Variants in H2BC5 observed in about 807,000 individuals in gnomAD.
H2BC5 encodes the protein histone H2B type 1-D.
H2BC5 carries 9 observed loss-of-function variants against 5.7 expected under a neutral mutation model. The observed-to-expected ratio is 1.57, with a 90% CI of 0.95 to 2.74. The LOEUF (loss-of-function observed/expected upper bound fraction) is 2.74, where lower values mean the gene tolerates loss of function less well. H2BC5 is among the 30% of genes most tolerant of loss of function. The probability of loss-of-function intolerance (pLI) is 0.00; values close to 1 mark genes in which losing one functional copy is unlikely to be tolerated. For missense variants in H2BC5, 175 were observed against 168.8 expected (o/e 1.04, Z -0.20); for synonymous variants, 133 against 70.9 (o/e 1.88, Z -4.40).
chr6:26,170,145 G>C (rs535419276), intron 1 of H2BC5, among the ~76,000 whole-genome samples: 130 of 152,292 alleles, frequency 8.5e-4, no homozygotes, highest in African/African-American at 3.0e-3. Flanking sequence ...CACCACATCT[G>C]AGAGGTTTTC....
At chr6:26,168,763 T>C (rs1233932544) in intron 1 of H2BC5, among the ~76,000 whole-genome samples, 2 of 152,170 alleles carry the variant, frequency 1.3e-5, no homozygotes, top group African/African-American at 4.8e-5. Flanking sequence ...TTCCCAGATA[T>C]TGTAAAGGAC....
rs1001204765 is a variant in H2BC5, at chr6:26,164,896, T to A, written c.*10-6079T>A. ...CCTACCATGCCCTTCTGCCATCTTC[T>A]GGGAGAAGGAAACCAAAGGATCTAA... On this transcript the variant is annotated intron_variant, in intron 1 of 1. Coordinates refer to the H2BC5 transcript ENST00000289316. 7.9e-5 allele frequency among the ~76,000 whole-genome samples: 12 copies of A among 152,024 alleles called. No homozygotes were observed. In the East Asian group the frequency reaches 1.9e-3, roughly 25 times the overall value.
At chr6:26,168,924 G>A (rs1764479042) in intron 1 of H2BC5, among the ~76,000 whole-genome samples, 1 of 152,190 alleles carries the variant, frequency 6.6e-6, no homozygotes, top group African/African-American at 2.4e-5. Flanking sequence ...TTGTTAGAAT[G>A]TCCGAGAAAC....
chr6:26,167,724 A>T (rs1302284264), intron 1 of H2BC5, among the ~76,000 whole-genome samples: 1 of 150,882 alleles, frequency 6.6e-6, no homozygotes, highest in Non-Finnish European at 1.5e-5. Flanking sequence ...CCCAGCCCCC[A>T]CCCTCTCCCA....
At chr6:26,158,750 A>G (rs1222729592), downstream of H2BC5, 1 of 843,216 alleles carries the variant, frequency 1.2e-6, no homozygotes, top group Non-Finnish European at 1.8e-6. Context: ...GGTACTAGAA[A>G]TTGAGTGCTA....
chr6:26,158,786 A>C, downstream of H2BC5: 9 of 649,480 alleles, frequency 1.4e-5, no homozygotes, highest in Admixed American at 3.2e-5. Flanking sequence ...TCGTTAGCTC[A>C]TTTAGTATCA....
chr6:26,162,540 G>GC (rs1764368500), downstream of H2BC5, among the ~76,000 whole-genome samples: 1 of 151,992 alleles, frequency 6.6e-6, no homozygotes, highest in Non-Finnish European at 1.5e-5. Flanking sequence ...TTTGGTTTTT[G>GC]TTTGTTGTTG....
chr6:26,168,460 T>TA (rs1018788679), intron 1 of H2BC5, among the ~76,000 whole-genome samples: 47 of 143,424 alleles, frequency 3.3e-4, no homozygotes, highest in South Asian at 6.5e-4. Flanking sequence ...CTCCATTTTT[T>TA]AAAAAAAAAA....
chr6:26,164,494 G>C (rs1291467167), intron 1 of H2BC5: 1 of 156,844 alleles, frequency 6.4e-6, no homozygotes, highest in Non-Finnish European at 1.5e-5. Context: ...CACCATTTGG[G>C]CTATCAGAGT....
At chr6:26,169,813 G>T (rs1329263328) in intron 1 of H2BC5, among the ~76,000 whole-genome samples, 2 of 151,832 alleles carry the variant, frequency 1.3e-5, no homozygotes, top group Non-Finnish European at 2.9e-5. Flanking sequence ...ACAAAAATTA[G>T]CCAGGCATGG....
At chr6:26,164,379 G>A (rs1404246072) in intron 1 of H2BC5, 3 of 240,100 alleles carry the variant, frequency 1.2e-5, no homozygotes, top group African/African-American at 2.3e-5. Context: ...GAAAGGGATG[G>A]GATGGGCAAG....
intron 1 of H2BC5, among the ~76,000 whole-genome samples, chr6:26,170,048 C>T (rs756649202): frequency 1.2e-4 from 19 of 152,144 alleles, no homozygotes; most frequent in Admixed American, 5.2e-4. Context: ...TACTTGGTGT[C>T]TCAGTTGTGT....
rs960258088 is a variant in H2BC5, at chr6:26,158,154, A to T, written c.-16A>T. On this transcript the variant is annotated 5_prime_UTR_variant, in exon 1 of 1. Coordinates refer to ENST00000377777, the MANE Select transcript of H2BC5 (RefSeq NM_021063.4). ...TCTCAGGTGTTTGCAACAGTGTTCTAACTATTAACGCTACGATGCCTGAAC... is the reference window on the plus strand; with the variant it reads ...TCTCAGGTGTTTGCAACAGTGTTCTTACTATTAACGCTACGATGCCTGAAC... 2.5e-6 allele frequency: 4 copies of T among 1,608,554 alleles called. No individual in the cohort carries two copies. The African/African-American group carries it at 5.4e-5, about 22-fold the overall frequency.
chr6:26,158,802 C>T (rs1764290577), downstream of H2BC5, among the ~76,000 whole-genome samples: 3 of 152,290 alleles, frequency 2.0e-5, no homozygotes, highest in African/African-American at 4.8e-5. Context: ...TATCACATAA[C>T]ACTAGCATAA....
chr6:26,162,187 GGAT>G (rs1764363984), downstream of H2BC5, among the ~76,000 whole-genome samples: 1 of 152,138 alleles, frequency 6.6e-6, no homozygotes, highest in Non-Finnish European at 1.5e-5. Flanking sequence ...GCATGTAGGA[GGAT>G]AATTGGATAA....
downstream of H2BC5, among the ~76,000 whole-genome samples, chr6:26,158,831 G>A (rs949383563): frequency 3.3e-5 from 5 of 152,192 alleles, no homozygotes; most frequent in Admixed American, 2.6e-4. Flanking sequence ...TATTGTAAAT[G>A]TACAGCTCTT....
chr6:26,158,156 C>T lies in H2BC5; in HGVS notation c.-14C>T, dbSNP rs368440522. Reference sequence around the variant, plus strand: ...TCAGGTGTTTGCAACAGTGTTCTAACTATTAACGCTACGATGCCTGAACCT... The same window carrying T: ...TCAGGTGTTTGCAACAGTGTTCTAATTATTAACGCTACGATGCCTGAACCT... On this transcript the variant is annotated 5_prime_UTR_variant, in exon 1 of 1. Coordinates refer to ENST00000377777, the MANE Select transcript of H2BC5 (RefSeq NM_021063.4). The T allele has an allele frequency of 6.2e-6, 10 of 1,610,226 alleles. No individual in the cohort carries two copies. Among genetic ancestry groups the T allele is most frequent in the Admixed American group, 1.7e-5 (1 of 58,974 alleles).
chr6:26,158,198 C>T lies in H2BC5; in HGVS notation c.29C>T (p.Ala10Val), dbSNP rs760339726. 1.9e-6 allele frequency: 3 copies of T among 1,614,180 alleles called. No individual in the cohort carries two copies. Among genetic ancestry groups the T allele is most frequent in the East Asian group, 2.2e-5 (1 of 44,880 alleles). Reference sequence around the variant, plus strand: ...CCTGAACCTACCAAGTCTGCTCCTGCCCCAAAGAAGGGCTCCAAGAAGGCG... The same window carrying T: ...CCTGAACCTACCAAGTCTGCTCCTGTCCCAAAGAAGGGCTCCAAGAAGGCG... MPEPTKSAP[A>V]PKKGSKKAVT... is the part of the protein sequence containing the mutation. The change falls in exon 1 of 1, where the codon GCC (alanine) becomes GTC (valine). Residue 10 changes from alanine to valine, a missense_variant. Ala to Val is a moderately conservative substitution (Grantham distance 64). Coordinates refer to ENST00000377777, the MANE Select transcript of H2BC5 (RefSeq NM_021063.4).
chr6:26,167,842 AT>A (rs1764455405), intron 1 of H2BC5, among the ~76,000 whole-genome samples: 1 of 152,060 alleles, frequency 6.6e-6, no homozygotes, highest in African/African-American at 2.4e-5. Context: ...TACGCTCATA[AT>A]AGATTATCTT....
Sources: allele counts gnomAD v4.1 joint callset (sites outside exome capture counted in the v4.1 genomes callset), GRCh38; gene constraint gnomAD v4.1.1; transcripts MANE v1.5; gene names NCBI Gene and HGNC (gene_info 2026-07-23, HGNC 2026-07-21).